Variants in PHTF2 observed in about 807,000 individuals in gnomAD.
PHTF2 encodes the protein putative homeodomain transcription factor 2, also known as protein PHTF2.
Under a neutral mutation model 101.2 loss-of-function variants are expected in PHTF2, and 60 were observed. The ratio of observed to expected loss-of-function variants is 0.59; its 90% CI spans 0.48 to 0.73. The LOEUF is 0.73. Ranked by LOEUF, PHTF2 falls within the 30% of genes least tolerant of loss-of-function variation. The pLI is 0.00. For missense variants in PHTF2, 747 were observed against 908.7 expected (o/e 0.82, Z 2.29); for synonymous variants, 311 against 307.3 (o/e 1.01, Z -0.13).
At chr7:77,892,161 G>A (rs1403328678) in intron 3 of PHTF2, among the ~76,000 whole-genome samples, 2 of 152,134 alleles carry the variant, frequency 1.3e-5, no homozygotes, top group African/African-American at 2.4e-5. Flanking sequence ...GTGGTGGCAC[G>A]CGCCTGTAGC....
chr7:77,841,532 A>G (rs929820756), intron 2 of PHTF2, among the ~76,000 whole-genome samples: 1 of 151,874 alleles, frequency 6.6e-6, no homozygotes, highest in African/African-American at 2.4e-5. Flanking sequence ...TTGCACACTC[A>G]TGGCTCACTG....
intron 11 of PHTF2, chr7:77,923,767 G>A: frequency 1.0e-6 from 1 of 984,176 alleles, no homozygotes. Context: ...GAGACGGAGG[G>A]CTGTTTGACC....
chr7:77,951,567 A>G (rs1806547530), intron 17 of PHTF2, 50 bp from the exon 17 acceptor site: 2 of 798,130 alleles, frequency 2.5e-6, no homozygotes, highest in African/African-American at 1.8e-5. Context: ...AAGTCCTTTA[A>G]AAATGTGTAT....
chr7:77,816,117 C>T (rs928927573), intron 1 of PHTF2, among the ~76,000 whole-genome samples: 2 of 152,052 alleles, frequency 1.3e-5, no homozygotes, highest in African/African-American at 4.8e-5. Context: ...ATCTGTCGCC[C>T]AGGCTGAAAT....
At chr7:77,933,352 AGAAG>A (rs1364093794) in intron 12 of PHTF2, among the ~76,000 whole-genome samples, 34 of 152,208 alleles carry the variant, frequency 2.2e-4, no homozygotes, top group Admixed American at 8.5e-4. Flanking sequence ...TGTTAGATTG[AGAAG>A]GAAATGAAAT....
intron 12 of PHTF2, among the ~76,000 whole-genome samples, chr7:77,932,531 T>TA (rs1804661824): frequency 6.6e-6 from 1 of 151,030 alleles, no homozygotes; most frequent in African/African-American, 2.4e-5. Flanking sequence ...GGCTTTAAGT[T>TA]ACCATTTGTG....
chr7:77,838,598 A>G (rs1057337381), intron 1 of PHTF2, among the ~76,000 whole-genome samples: 15 of 152,116 alleles, frequency 9.9e-5, no homozygotes, highest in African/African-American at 3.4e-4. Context: ...GGCATCTTAT[A>G]TATATTATTT....
chr7:77,836,386 C>A (rs930558164), intron 1 of PHTF2, among the ~76,000 whole-genome samples: 3 of 152,132 alleles, frequency 2.0e-5, no homozygotes, highest in Non-Finnish European at 4.4e-5. Flanking sequence ...GCTTACCCAC[C>A]ATGTTGTTCA....
chr7:77,887,957 A>T (rs965382129), intron 3 of PHTF2, among the ~76,000 whole-genome samples: 1 of 152,230 alleles, frequency 6.6e-6, no homozygotes, highest in Non-Finnish European at 1.5e-5. Flanking sequence ...CTCCTCTTAC[A>T]TGATGGAACA....
chr7:77,884,276 G>T (rs1380240745), intron 3 of PHTF2, among the ~76,000 whole-genome samples: 3 of 152,116 alleles, frequency 2.0e-5, no homozygotes, highest in African/African-American at 7.2e-5. Context: ...GTGGTTTTTG[G>T]TTACATGATG....
rs905754486 is a variant in PHTF2, at chr7:77,948,302, A to G, written c.1960-1376A>G. Among the ~76,000 whole-genome samples, 11 of 152,308 alleles carry G rather than the reference A, an allele frequency of 7.2e-5. No individual in the cohort carries two copies. In the South Asian group the frequency reaches 2.1e-3, roughly 29 times the overall value. On this transcript the variant is annotated intron_variant, in intron 16 of 19. Transcript: ENST00000416283. Reference sequence around the variant, plus strand: ...AGCCATATATATGTAGAAACCTAATATATGATCAGATGGCATTATATATCA... The same window carrying G: ...AGCCATATATATGTAGAAACCTAATGTATGATCAGATGGCATTATATATCA...
At chr7:77,879,300 G>T (rs1247877054) in intron 3 of PHTF2, among the ~76,000 whole-genome samples, 1 of 152,072 alleles carries the variant, frequency 6.6e-6, no homozygotes, top group East Asian at 1.9e-4. Flanking sequence ...ATTTTTTGAG[G>T]ACTGAAGGAC....
intron 5 of PHTF2, among the ~76,000 whole-genome samples, chr7:77,900,372 G>A (rs142074115): frequency 8.3e-4 from 126 of 152,212 alleles, no homozygotes; most frequent in African/African-American, 2.9e-3. Flanking sequence ...TAGCCTCAAC[G>A]CTCTCCAAAT....
At chr7:77,926,814 AC>A (rs1184881801) in intron 11 of PHTF2, among the ~76,000 whole-genome samples, 1 of 151,560 alleles carries the variant, frequency 6.6e-6, no homozygotes, top group African/African-American at 2.4e-5. Flanking sequence ...CAAAAAAAAA[AC>A]AAAGTACAAA....
At chr7:77,876,946 A>T (rs1412545935) in intron 3 of PHTF2, among the ~76,000 whole-genome samples, 1 of 152,166 alleles carries the variant, frequency 6.6e-6, no homozygotes, top group African/African-American at 2.4e-5. Context: ...GTAATGTTAA[A>T]TTGTGTGGGT....
chr7:77,899,316 T>G (rs1332710882), intron 5 of PHTF2, among the ~76,000 whole-genome samples: 1 of 151,840 alleles, frequency 6.6e-6, no homozygotes, highest in Admixed American at 6.6e-5. Flanking sequence ...CATCACCTTG[T>G]TCGACCTCAG....
intron 19 of PHTF2, among the ~76,000 whole-genome samples, chr7:77,954,637 T>TATAG (rs1554397990): frequency 3.8e-4 from 55 of 144,596 alleles, no homozygotes; most frequent in Middle Eastern, 3.7e-3. Flanking sequence ...TATATATATA[T>TATAG]ATATATATAG....
intron 3 of PHTF2, among the ~76,000 whole-genome samples, chr7:77,867,723 A>G (rs1798182247): frequency 6.6e-6 from 1 of 152,224 alleles, no homozygotes; most frequent in African/African-American, 2.4e-5. Flanking sequence ...ATCTAATAGT[A>G]GATAGCAGTT....
intron 1 of PHTF2, among the ~76,000 whole-genome samples, chr7:77,827,327 G>T (rs546140985): frequency 1.3e-5 from 2 of 151,980 alleles, no homozygotes; most frequent in African/African-American, 4.8e-5. Context: ...CTTAGAATTC[G>T]TGGAAAATTA....
Sources: allele counts gnomAD v4.1 joint callset (sites outside exome capture counted in the v4.1 genomes callset), GRCh38; gene constraint gnomAD v4.1.1; transcripts MANE v1.5; gene names NCBI Gene and HGNC (gene_info 2026-07-23, HGNC 2026-07-21).